REEP3: variants seen among roughly 807,000 people sequenced by gnomAD.
REEP3 encodes receptor accessory protein 3.
A neutral mutation model predicts 41.3 loss-of-function variants in REEP3; 20 were observed. The observed-to-expected ratio is 0.48, with a 90% CI of 0.34 to 0.70. The LOEUF is 0.70. Ranked by LOEUF, REEP3 falls within the 30% of genes least tolerant of loss-of-function variation. The probability of loss-of-function intolerance (pLI) is 0.01; values close to 1 mark genes in which losing one functional copy is unlikely to be tolerated. For missense variants in REEP3, 271 were observed against 308.8 expected (o/e 0.88, Z 0.92); for synonymous variants, 104 against 101.8 (o/e 1.02, Z -0.13).
chr10:63,605,526 T>C (rs1203627558), intron 5 of REEP3, among the ~76,000 whole-genome samples: 1 of 152,188 alleles, frequency 6.6e-6, no homozygotes, highest in East Asian at 1.9e-4. Flanking sequence ...GCATTGCTGG[T>C]TATATGTTTT....
intron 2 of REEP3, among the ~76,000 whole-genome samples, chr10:63,586,102 C>T (rs898761956): frequency 1.3e-5 from 2 of 152,242 alleles, no homozygotes; most frequent in African/African-American, 4.8e-5. Flanking sequence ...TTAAATGAAG[C>T]ATGGTTTTCT....
chr10:63,584,889 T>C (rs79393169), intron 2 of REEP3, among the ~76,000 whole-genome samples: 4,584 of 150,718 alleles, frequency 0.03, 151 homozygotes, highest in African/African-American at 0.084. Context: ...TCAGCAGAGA[T>C]TTTTTTTTTC....
intron 2 of REEP3, among the ~76,000 whole-genome samples, chr10:63,581,953 A>G (rs920514058): frequency 1.3e-5 from 2 of 151,880 alleles, no homozygotes; most frequent in East Asian, 1.9e-4. Flanking sequence ...TACATTTTAA[A>G]TGTTTACACT....
At chr10:63,527,750 A>C (rs1031792873) in intron 1 of REEP3, among the ~76,000 whole-genome samples, 1 of 152,090 alleles carries the variant, frequency 6.6e-6, no homozygotes, top group Non-Finnish European at 1.5e-5. Flanking sequence ...TCTTTCCTTC[A>C]GGGTACTCTG....
At chr10:63,593,923 TG>T (rs1456492365) in intron 2 of REEP3, among the ~76,000 whole-genome samples, 1 of 152,168 alleles carries the variant, frequency 6.6e-6, no homozygotes, top group East Asian at 1.9e-4. Flanking sequence ...GCTGTCCACC[TG>T]GGTAACTAGC....
At chr10:63,532,088 G>A (rs1955426121) in intron 1 of REEP3, among the ~76,000 whole-genome samples, 2 of 152,182 alleles carry the variant, frequency 1.3e-5, no homozygotes, top group South Asian at 4.1e-4. Flanking sequence ...TGACTTACAA[G>A]TTATAGTTTT....
intron 6 of REEP3, among the ~76,000 whole-genome samples, chr10:63,618,237 C>CT (rs60115766): frequency 0.019 from 1,287 of 66,598 alleles, 305 homozygotes; most frequent in African/African-American, 0.055. Context: ...TTTCCTTCTT[C>CT]TTTTTTTTTT....
In REEP3 at chr10:63,606,933, A is replaced by G. The variant is rs143840803; in HGVS notation, c.418-3254A>G. The stretch of plus-strand genomic sequence containing the variant: ...ATAGCCATACTGCATACTTGCAATC[A>G]TATTATGCATGTGCTATAGAATTCT... On this transcript the variant is annotated intron_variant, in intron 5 of 7. Coordinates refer to ENST00000373758, the MANE Select transcript of REEP3 (RefSeq NM_001001330.3). Among the ~76,000 whole-genome samples the G allele has an allele frequency of 5.3e-3, 808 of 152,336 alleles. 8 individuals carry two copies. Among genetic ancestry groups the G allele is most frequent in the Non-Finnish European group, 8.6e-3 (582 of 68,038 alleles).
intron 2 of REEP3, among the ~76,000 whole-genome samples, chr10:63,591,802 A>C (rs984216104): frequency 6.6e-6 from 1 of 152,180 alleles, no homozygotes; most frequent in Admixed American, 6.5e-5. Flanking sequence ...TTCATTCCAC[A>C]ATTCGTCATT....
chr10:63,619,893 A>T, intron 7 of REEP3, 93 bp downstream of exon 7: 63 of 478,672 alleles, frequency 1.3e-4, no homozygotes, highest in Non-Finnish European at 1.9e-4. Context: ...TAAATGAAGG[A>T]TTGGAATGGT....
At chr10:63,582,651 G>A (rs952291749) in intron 2 of REEP3, among the ~76,000 whole-genome samples, 7 of 152,152 alleles carry the variant, frequency 4.6e-5, no homozygotes, top group Non-Finnish European at 5.9e-5. Context: ...TATTGAGTAG[G>A]ACTTCCTCCT....
chr10:63,604,629 T>C (rs1280107245), intron 5 of REEP3, among the ~76,000 whole-genome samples: 1 of 152,124 alleles, frequency 6.6e-6, no homozygotes, highest in Non-Finnish European at 1.5e-5. Flanking sequence ...TTTGAGGATA[T>C]ACAGCTTAGT....
chr10:63,545,680 GTTTTT>G (rs55779021), intron 1 of REEP3, among the ~76,000 whole-genome samples: 4 of 55,412 alleles, frequency 7.2e-5, no homozygotes, highest in African/African-American at 2.9e-4. Context: ...GCCAACTTCT[GTTTTT>G]TTTTTTTTTT....
chr10:63,602,603 C>T (rs1002694330), intron 5 of REEP3, among the ~76,000 whole-genome samples: 1 of 152,162 alleles, frequency 6.6e-6, no homozygotes, highest in South Asian at 2.1e-4. Flanking sequence ...ATTTTTCCTC[C>T]TCACTTTTAA....
intron 5 of REEP3, 82 bp from the exon 6 acceptor site, chr10:63,610,105 A>G (rs1325435897): frequency 1.7e-6 from 2 of 1,203,116 alleles, no homozygotes; most frequent in Non-Finnish European, 2.3e-6. Context: ...TTCTGAAGTT[A>G]TCTTAATAAA....
intron 1 of REEP3, among the ~76,000 whole-genome samples, chr10:63,536,077 A>G (rs1326242779): frequency 1.3e-5 from 2 of 152,238 alleles, no homozygotes; most frequent in Non-Finnish European, 2.9e-5. Context: ...TTTCACAACC[A>G]TCTTCATGAC....
intron 1 of REEP3, among the ~76,000 whole-genome samples, chr10:63,533,381 A>T (rs1462095857): frequency 6.6e-6 from 1 of 152,204 alleles, no homozygotes; most frequent in East Asian, 1.9e-4. Flanking sequence ...TATTGTCATG[A>T]TCAGTTCTTC....
intron 1 of REEP3, among the ~76,000 whole-genome samples, chr10:63,537,751 C>T (rs1955488323): frequency 6.6e-6 from 1 of 152,084 alleles, no homozygotes. Flanking sequence ...CAGATGGAGG[C>T]AGGGAAGGGG....
chr10:63,583,464 A>T (rs1246653258), intron 2 of REEP3, among the ~76,000 whole-genome samples: 3 of 152,178 alleles, frequency 2.0e-5, no homozygotes, highest in Non-Finnish European at 4.4e-5. Flanking sequence ...AAAGAATGGA[A>T]TTTTTCATTT....
Sources: allele counts gnomAD v4.1 joint callset (sites outside exome capture counted in the v4.1 genomes callset), GRCh38; gene constraint gnomAD v4.1.1; transcripts MANE v1.5; gene names NCBI Gene and HGNC (gene_info 2026-07-23, HGNC 2026-07-21).